The following MDGA2 variants were observed in gnomAD, a reference collection of about 807,000 sequenced individuals.
MDGA2 encodes the protein MAM domain-containing glycosylphosphatidylinositol anchor protein 2.
A neutral mutation model predicts 117.8 loss-of-function variants in MDGA2; 40 were observed. The observed-to-expected ratio is 0.34, with a 90% CI of 0.26 to 0.44. The LOEUF (loss-of-function observed/expected upper bound fraction) is 0.44. MDGA2 is among the 20% of genes least tolerant of loss of function. The pLI, the probability that MDGA2 is intolerant of heterozygous loss-of-function variation, is 1.00. For missense variants in MDGA2, 1,123 were observed against 1,250.6 expected (o/e 0.90, Z 1.54); for synonymous variants, 452 against 439.0 (o/e 1.03, Z -0.37).
chr14:47,148,436 T>C (rs1017193652), intron 3 of MDGA2, among the ~76,000 whole-genome samples: 2 of 152,182 alleles, frequency 1.3e-5, no homozygotes, highest in African/African-American at 4.8e-5. Flanking sequence ...CACTCCTTAC[T>C]GAATATTTTC....
At chr14:47,253,246 C>A (rs759246587) in intron 2 of MDGA2, among the ~76,000 whole-genome samples, 31 of 152,160 alleles carry the variant, frequency 2.0e-4, no homozygotes, top group Non-Finnish European at 4.1e-4. Context: ...AACAGTCCCA[C>A]AAAGTTTTAG....
chr14:47,342,960 T>A (rs1246305103), intron 1 of MDGA2: 2 of 644,212 alleles, frequency 3.1e-6, no homozygotes, highest in East Asian at 6.6e-5. Context: ...GTCACAGTAG[T>A]AGGAGGAAGG....
intron 1 of MDGA2, among the ~76,000 whole-genome samples, chr14:47,558,371 C>T (rs1053371848): frequency 6.6e-6 from 1 of 152,136 alleles, no homozygotes; most frequent in African/African-American, 2.4e-5. Context: ...AACCCAGCAT[C>T]TGGAGGAAGT....
At position 47,323,933 on chromosome 14, in the gene MDGA2, A is replaced by G. The variant is rs543159764; in HGVS notation, c.281-22383T>C. ...GAATATTTAATTGAGTAGCTACTCT[A>G]TACAAAATGGTGTATTAAGATCTCT... On this transcript the variant is annotated intron_variant, in intron 1 of 16. Transcript: ENST00000399232. 1.4e-3 allele frequency among the ~76,000 whole-genome samples: 220 copies of G among 152,208 alleles called. 2 individuals carry two copies. The highest frequency in any genetic ancestry group is 4.1e-3 in the Admixed American group (62 of 15,294).
intron 9 of MDGA2, among the ~76,000 whole-genome samples, chr14:46,941,089 G>C (rs1398287730): frequency 6.6e-6 from 1 of 152,148 alleles, no homozygotes; most frequent in Non-Finnish European, 1.5e-5. Context: ...AAAAAGAATA[G>C]AGCACAAATA....
At chr14:47,510,576 A>G (rs375597860) in intron 1 of MDGA2, among the ~76,000 whole-genome samples, 7 of 152,320 alleles carry the variant, frequency 4.6e-5, no homozygotes, top group African/African-American at 1.7e-4. Flanking sequence ...TAATCAGAAC[A>G]TCCTTGAATA....
At chr14:47,634,230 A>G (rs967851812) in intron 1 of MDGA2, among the ~76,000 whole-genome samples, 2 of 152,178 alleles carry the variant, frequency 1.3e-5, no homozygotes, top group Non-Finnish European at 2.9e-5. Flanking sequence ...CTAGATTCAA[A>G]ATGAATTTTG....
In MDGA2 at chr14:47,409,749, G is replaced by T. The variant is rs1049176849; in HGVS notation, c.281-108199C>A. On this transcript the variant is annotated intron_variant, in intron 1 of 16. Coordinates refer to ENST00000399232, the MANE Select transcript of MDGA2 (RefSeq NM_001113498.3). ...TATTATTTTGATTTTTTTTAAGAAAGAAAACCTCATGAATACGGTATAATC... is the reference window on the plus strand; with the variant it reads ...TATTATTTTGATTTTTTTTAAGAAATAAAACCTCATGAATACGGTATAATC... Among the ~76,000 whole-genome samples the T allele has an allele frequency of 3.9e-5, 6 of 152,006 alleles. No individual in the cohort carries two copies. In the East Asian group the frequency reaches 1.2e-3, roughly 29 times the overall value.
intron 2 of MDGA2, among the ~76,000 whole-genome samples, chr14:47,295,679 G>T (rs10132633): frequency 0.22 from 32,747 of 151,922 alleles, 4,441 homozygotes; most frequent in East Asian, 0.45. Flanking sequence ...TGAGGTGGGC[G>T]AATCACCCGA....
intron 7 of MDGA2, among the ~76,000 whole-genome samples, chr14:47,059,573 T>C (rs1485571031): frequency 1.3e-5 from 2 of 152,092 alleles, no homozygotes; most frequent in Non-Finnish European, 2.9e-5. Context: ...TAAAAATAAA[T>C]GTTAGGGCTC....
At chr14:47,494,134 G>A (rs960998236) in intron 1 of MDGA2, among the ~76,000 whole-genome samples, 1 of 152,148 alleles carries the variant, frequency 6.6e-6, no homozygotes, top group Non-Finnish European at 1.5e-5. Flanking sequence ...CTTTCACCAT[G>A]ATTGTAAGTT....
chr14:47,388,211 A>C (rs1566765019), intron 1 of MDGA2, among the ~76,000 whole-genome samples: 1 of 152,090 alleles, frequency 6.6e-6, no homozygotes, highest in East Asian at 1.9e-4. Context: ...CTAGGTATGG[A>C]GGCATAAACA....
chr14:47,367,830 T>C (rs1305376940), intron 1 of MDGA2, among the ~76,000 whole-genome samples: 3 of 152,198 alleles, frequency 2.0e-5, no homozygotes, highest in African/African-American at 4.8e-5. Context: ...TGACTCTAAA[T>C]AAGATTATCT....
chr14:47,531,943 A>G (rs1388880488), intron 1 of MDGA2, among the ~76,000 whole-genome samples: 2 of 152,236 alleles, frequency 1.3e-5, no homozygotes, highest in Non-Finnish European at 2.9e-5. Context: ...ACCAACAAAC[A>G]TATTACTACG....
chr14:47,430,685 T>G (rs1329939424), intron 1 of MDGA2, among the ~76,000 whole-genome samples: 1 of 152,088 alleles, frequency 6.6e-6, no homozygotes, highest in Non-Finnish European at 1.5e-5. Flanking sequence ...ACATATAAGA[T>G]CCTATATCAA....
intron 6 of MDGA2, among the ~76,000 whole-genome samples, chr14:47,068,068 G>A (rs941846850): frequency 1.3e-5 from 2 of 152,072 alleles, no homozygotes; most frequent in South Asian, 4.1e-4. Context: ...AGAGTCAGAC[G>A]ATGAAATGAA....
At chr14:47,116,940 G>A (rs1881363619) in intron 5 of MDGA2, among the ~76,000 whole-genome samples, 1 of 148,286 alleles carries the variant, frequency 6.7e-6, no homozygotes, top group African/African-American at 2.5e-5. Flanking sequence ...AAAAGGTTCT[G>A]CACAGAAAAA....
At chr14:46,984,629 C>A (rs1044529429) in intron 8 of MDGA2, among the ~76,000 whole-genome samples, 1 of 151,924 alleles carries the variant, frequency 6.6e-6, no homozygotes, top group African/African-American at 2.4e-5. Context: ...TATAATCTTA[C>A]ACAATGGATT....
chr14:46,942,115 A>C (rs1885021800), intron 9 of MDGA2, among the ~76,000 whole-genome samples: 1 of 152,170 alleles, frequency 6.6e-6, no homozygotes, highest in East Asian at 1.9e-4. Flanking sequence ...AAGAAATATA[A>C]GAGAGAAACA....
Sources: allele counts gnomAD v4.1 joint callset (sites outside exome capture counted in the v4.1 genomes callset), GRCh38; gene constraint gnomAD v4.1.1; transcripts MANE v1.5; gene names NCBI Gene and HGNC (gene_info 2026-07-23, HGNC 2026-07-21).